APP: variants seen among roughly 807,000 people sequenced by gnomAD.
APP encodes amyloid beta precursor protein.
In APP, 31 loss-of-function variants were observed where a neutral mutation model predicts 101.4. The observed-to-expected ratio is 0.31, with a 90% CI of 0.23 to 0.41. APP has a LOEUF of 0.41. Among genes scored for constraint, APP ranks in the 10% least tolerant of loss-of-function variants. APP has a pLI of 1.00. For missense variants in APP, 839 were observed against 1,003.7 expected, an observed-to-expected ratio of 0.84 and a Z score of 2.22; for synonymous variants, 366 against 364.4, an observed-to-expected ratio of 1.00 and a Z score of -0.05.
At chr21:25,996,098 A>G (rs559018002) in intron 8 of APP, among the ~76,000 whole-genome samples, 231 of 152,360 alleles carry the variant, frequency 1.5e-3, no homozygotes, top group African/African-American at 5.4e-3. Context: ...ATGGAATCCA[A>G]ATTCAAATAT....
chr21:26,078,456 TTATTTAAAACA>T (rs961833311), intron 3 of APP, among the ~76,000 whole-genome samples: 41 of 152,330 alleles, frequency 2.7e-4, no homozygotes, highest in African/African-American at 9.6e-4. Context: ...ATGTAGTTCA[TTATTTAAAACA>T]TAATGAAAGC....
At chr21:26,138,880 T>A (rs1332287753) in intron 1 of APP, among the ~76,000 whole-genome samples, 1 of 152,168 alleles carries the variant, frequency 6.6e-6, no homozygotes, top group African/African-American at 2.4e-5. Flanking sequence ...AACTGCTCCC[T>A]TGTTGGTCAA....
intron 1 of APP, among the ~76,000 whole-genome samples, chr21:26,152,901 A>G (rs1481335925): frequency 1.3e-5 from 2 of 152,250 alleles, no homozygotes; most frequent in African/African-American, 4.8e-5. Context: ...CTAAGTGGCC[A>G]CTGACTAATG....
At chr21:25,939,059 A>C (rs1313195262) in intron 13 of APP, among the ~76,000 whole-genome samples, 1 of 152,244 alleles carries the variant, frequency 6.6e-6, no homozygotes, top group African/African-American at 2.4e-5. Flanking sequence ...AAGGCTTTTG[A>C]CCACACATGA....
At chr21:25,945,813 T>A (rs1411507531) in intron 13 of APP, 4 of 439,908 alleles carry the variant, frequency 9.1e-6, no homozygotes, top group Admixed American at 2.4e-5. Flanking sequence ...CACAGCCTCC[T>A]GAGTAGCTGG....
At chr21:26,147,306 A>G (rs1216244294) in intron 1 of APP, among the ~76,000 whole-genome samples, 1 of 152,206 alleles carries the variant, frequency 6.6e-6, no homozygotes, top group Non-Finnish European at 1.5e-5. Context: ...GTTGCATGCA[A>G]GCTCAGAATT....
chr21:26,130,993 G>A (rs995501761), intron 1 of APP, among the ~76,000 whole-genome samples: 3 of 152,176 alleles, frequency 2.0e-5, no homozygotes, highest in Non-Finnish European at 4.4e-5. Flanking sequence ...ACTTTGGGAG[G>A]CCGAGGCAGG....
Position 25,881,337 on chromosome 21 carries a change from A to T in APP, c.*333T>A. 2.7e-6 allele frequency: 1 copy of T among 374,978 alleles called. No individual in the cohort carries two copies. 23.2% of individuals were successfully genotyped at this position (374,978 alleles called of 1,614,324 possible). On this transcript the variant is annotated 3_prime_UTR_variant, in exon 18 of 18. Transcript: ENST00000346798. ...TAATTGGGTCACAAACCACAAGAAT[A>T]ATATACAACTGGCTAAGGGGCTATG...
chr21:26,046,190 C>T lies in APP; in HGVS notation c.662+4810G>A, dbSNP rs114754706. Among the ~76,000 whole-genome samples, 825 of 151,710 alleles carry T rather than the reference C, an allele frequency of 5.4e-3. 9 individuals carry two copies. The highest frequency in any genetic ancestry group is 0.019 in the African/African-American group (787 of 41,366). ...AAAAGCCAAAACATATCACTGCCCC[C>T]CAAACCAGAGAGTAACATTAACTAA... On this transcript the variant is annotated intron_variant, in intron 5 of 17. Transcript: ENST00000346798.
intron 1 of APP, among the ~76,000 whole-genome samples, chr21:26,136,135 AAG>A (rs199944966): frequency 0.014 from 1,135 of 78,560 alleles, 15 homozygotes; most frequent in Admixed American, 0.019. Flanking sequence ...TGTCTCAAAA[AAG>A]AAAAAAGAAA....
At chr21:26,053,116 G>A (rs2045902709) in intron 4 of APP, 120 bp downstream of exon 4, 3 of 826,856 alleles carry the variant, frequency 3.6e-6, no homozygotes, top group Non-Finnish European at 6.4e-6. Flanking sequence ...AGTAGCACTG[G>A]GTTTTTTTCT....
intron 13 of APP, among the ~76,000 whole-genome samples, chr21:25,936,940 G>A (rs370664506): frequency 1.2e-3 from 183 of 152,264 alleles, no homozygotes; most frequent in Non-Finnish European, 2.1e-3. Context: ...CACCAGGGAT[G>A]TGCAAGGAAT....
chr21:26,119,021 A>G (rs1441856065), intron 1 of APP, among the ~76,000 whole-genome samples: 1 of 152,240 alleles, frequency 6.6e-6, no homozygotes, highest in Non-Finnish European at 1.5e-5. Flanking sequence ...CAAAAATCAA[A>G]GACCTACTAA....
intron 3 of APP, among the ~76,000 whole-genome samples, chr21:26,073,974 C>T (rs1023195174): frequency 1.3e-5 from 2 of 152,176 alleles, no homozygotes; most frequent in African/African-American, 4.8e-5. Flanking sequence ...GCAAGAGCTA[C>T]AGGACCTATT....
chr21:26,081,991 G>A (rs2061607737), intron 3 of APP, among the ~76,000 whole-genome samples: 1 of 152,212 alleles, frequency 6.6e-6, no homozygotes, highest in Non-Finnish European at 1.5e-5. Flanking sequence ...GCCAAGATGG[G>A]TGGATCACCT....
chr21:26,077,076 A>G (rs1365587341), intron 3 of APP, among the ~76,000 whole-genome samples: 1 of 151,610 alleles, frequency 6.6e-6, no homozygotes, highest in Non-Finnish European at 1.5e-5. Context: ...AAAAAAAAAA[A>G]AAGAAAGAAA....
intron 3 of APP, among the ~76,000 whole-genome samples, chr21:26,058,499 G>T (rs750029118): frequency 2.6e-5 from 4 of 152,164 alleles, no homozygotes; most frequent in East Asian, 1.9e-4. Context: ...TATATTTTTC[G>T]ATTTCTTTAT....
At chr21:26,069,170 G>A (rs923602875) in intron 3 of APP, among the ~76,000 whole-genome samples, 1 of 152,094 alleles carries the variant, frequency 6.6e-6, no homozygotes, top group Non-Finnish European at 1.5e-5. Flanking sequence ...ACAACAAGAG[G>A]AGGTCATAAA....
chr21:26,090,266 T>G (rs886375581), intron 2 of APP, among the ~76,000 whole-genome samples, 194 bp from the exon 3 acceptor site: 1 of 152,216 alleles, frequency 6.6e-6, no homozygotes, highest in Admixed American at 6.5e-5. Context: ...TGGTTGAGCA[T>G]CTGGAATCCG....
Sources: allele counts gnomAD v4.1 joint callset (sites outside exome capture counted in the v4.1 genomes callset), GRCh38; gene constraint gnomAD v4.1.1; transcripts MANE v1.5; gene names NCBI Gene and HGNC (gene_info 2026-07-23, HGNC 2026-07-21).